Variants in COX7B2 observed in about 807,000 individuals in gnomAD.
COX7B2 encodes the protein cytochrome c oxidase subunit 7B2, mitochondrial.
For synonymous variants in COX7B2, 37 were observed against 32.1 expected, an observed-to-expected ratio of 1.15 and a Z score of -0.51; for missense variants, 109 against 95.9, an observed-to-expected ratio of 1.14 and a Z score of -0.57.
chr4:46,888,083 C>T (rs556521379), intron 1 of COX7B2, among the ~76,000 whole-genome samples: 17 of 152,314 alleles, frequency 1.1e-4, no homozygotes, highest in South Asian at 2.1e-4. Context: ...CACAACTTCA[C>T]TGATAAGCAA....
intron 2 of COX7B2, among the ~76,000 whole-genome samples, chr4:46,771,321 G>A (rs923164371): frequency 6.6e-6 from 1 of 152,126 alleles, no homozygotes; most frequent in Non-Finnish European, 1.5e-5. Flanking sequence ...AATATTTGTT[G>A]GTGAGAGTGT....
At chr4:46,825,111 A>C (rs1488796039) in intron 2 of COX7B2, among the ~76,000 whole-genome samples, 2 of 152,094 alleles carry the variant, frequency 1.3e-5, no homozygotes, top group Non-Finnish European at 2.9e-5. Context: ...TGCAGATGAC[A>C]TGATTCTAGA....
At chr4:46,744,563 C>T (rs946474408) in intron 2 of COX7B2, among the ~76,000 whole-genome samples, 3 of 151,828 alleles carry the variant, frequency 2.0e-5, no homozygotes, top group Non-Finnish European at 2.9e-5. Context: ...CATGATTCTA[C>T]GTGGCCATTA....
At chr4:46,875,590 G>A (rs1276515572) in intron 1 of COX7B2, among the ~76,000 whole-genome samples, 3 of 151,858 alleles carry the variant, frequency 2.0e-5, no homozygotes, top group Non-Finnish European at 4.4e-5. Flanking sequence ...TCATACCGTG[G>A]TTCTAGTGAT....
chr4:46,830,086 G>A (rs1054245281), intron 2 of COX7B2, among the ~76,000 whole-genome samples: 2 of 152,130 alleles, frequency 1.3e-5, no homozygotes, highest in Admixed American at 1.3e-4. Context: ...AGCACTTTGG[G>A]AGGCCAAGGC....
chr4:46,818,960 A>G (rs1348223848), intron 2 of COX7B2, among the ~76,000 whole-genome samples: 1 of 152,258 alleles, frequency 6.6e-6, no homozygotes. Flanking sequence ...ATTACAGTGT[A>G]TCAGGTGCTT....
chr4:46,880,625 G>A (rs993459331), intron 1 of COX7B2, among the ~76,000 whole-genome samples: 1 of 151,362 alleles, frequency 6.6e-6, no homozygotes. Flanking sequence ...TTTAAGTGGG[G>A]TCAGTGGTAA....
intron 2 of COX7B2, among the ~76,000 whole-genome samples, chr4:46,743,243 C>T (rs1714818373): frequency 1.3e-5 from 2 of 152,142 alleles, no homozygotes; most frequent in South Asian, 4.1e-4. Context: ...ATGTACAGTT[C>T]ACCAGCTAAG....
At chr4:46,738,702 G>A (rs79411748) in intron 2 of COX7B2, among the ~76,000 whole-genome samples, 3 of 151,936 alleles carry the variant, frequency 2.0e-5, no homozygotes, top group South Asian at 2.1e-4. Flanking sequence ...CCATATGAAA[G>A]CATAAAAAAG....
chr4:46,876,229 A>C (rs1019338030), intron 1 of COX7B2, among the ~76,000 whole-genome samples: 2 of 152,184 alleles, frequency 1.3e-5, no homozygotes, highest in African/African-American at 4.8e-5. Context: ...CCTAAGAGAC[A>C]TGCATGGGGC....
chr4:46,888,406 T>C (rs533844365), intron 1 of COX7B2, among the ~76,000 whole-genome samples: 2 of 152,270 alleles, frequency 1.3e-5, no homozygotes, highest in African/African-American at 4.8e-5. Flanking sequence ...ACAATTTAAG[T>C]AACGGTGCTG....
intron 2 of COX7B2, among the ~76,000 whole-genome samples, chr4:46,818,331 C>T (rs1423665668): frequency 6.6e-6 from 1 of 152,046 alleles, no homozygotes; most frequent in Non-Finnish European, 1.5e-5. Context: ...AATACATGAA[C>T]ATAGAAAACA....
chr4:46,735,175 G>A lies in COX7B2; in HGVS notation c.18C>T (p.Ala6=). The A allele has an allele frequency of 6.2e-7, 1 of 1,612,998 alleles. No individual in the cohort carries two copies. The change falls in exon 3 of 3, where the codon GCC becomes GCT. Residue 6 remains alanine, a synonymous_variant. Transcript: ENST00000355591. ...TCTTGAGACTGCTTAGTGCATTTCT[G>A]GCCAAGGGAAACATCATGAAGGATT... MMFPL[A]RNALSSLKIQ...
In COX7B2 at chr4:46,741,573, A is replaced by C. The variant is rs138163731; in HGVS notation, c.-49-6332T>G. 3.1e-3 allele frequency among the ~76,000 whole-genome samples: 477 copies of C among 152,210 alleles called. 4 individuals are homozygous for C. Among genetic ancestry groups the C allele is most frequent in the African/African-American group, 0.011 (452 of 41,546 alleles). On this transcript the variant is annotated intron_variant, in intron 2 of 2. Transcript: ENST00000355591. ...AATAGAGAAGGCAACTTAAAATCTA[A>C]GAAAATAAATTATCCTGGTCCCTAC...
chr4:46,865,754 G>A (rs139810471), intron 1 of COX7B2, among the ~76,000 whole-genome samples: 2 of 152,218 alleles, frequency 1.3e-5, no homozygotes, highest in African/African-American at 4.8e-5. Context: ...AAAAAGTATA[G>A]CATCAAGGAA....
intron 1 of COX7B2, among the ~76,000 whole-genome samples, chr4:46,873,248 A>G (rs1171319590): frequency 1.3e-5 from 2 of 152,104 alleles, no homozygotes; most frequent in African/African-American, 2.4e-5. Flanking sequence ...GTTGGTTCCA[A>G]GTCTTTGCTA....
intron 2 of COX7B2, among the ~76,000 whole-genome samples, chr4:46,773,205 C>T (rs949946855): frequency 4.6e-5 from 7 of 152,102 alleles, no homozygotes; most frequent in African/African-American, 7.2e-5. Context: ...ACTGTGTCCC[C>T]ACCTAAATCT....
rs141665105 is a variant in COX7B2 at position 46,767,002 on chromosome 4, T to G, written c.-49-31761A>C. Among the ~76,000 whole-genome samples, 33 of 152,166 alleles carry G rather than the reference T, an allele frequency of 2.2e-4. No homozygotes were observed. In the East Asian group the frequency reaches 6.2e-3, roughly 29 times the overall value. On this transcript the variant is annotated intron_variant, in intron 2 of 2. Transcript: ENST00000355591. Reference sequence around the variant, plus strand: ...AAAATTAACAAAATGACAACAAATGTCCTTACCCATTAATAACTGCTTTAA... The same window carrying G: ...AAAATTAACAAAATGACAACAAATGGCCTTACCCATTAATAACTGCTTTAA...
At chr4:46,821,420 T>C (rs1020497466) in intron 2 of COX7B2, among the ~76,000 whole-genome samples, 2 of 152,214 alleles carry the variant, frequency 1.3e-5, no homozygotes, top group Non-Finnish European at 2.9e-5. Context: ...CAATCTATGC[T>C]TGAACTGACA....
Sources: gnomAD v4.1 joint callset for allele counts (sites outside exome capture counted in the v4.1 genomes callset) on GRCh38, gnomAD v4.1.1 for gene constraint, MANE v1.5 for transcripts, NCBI Gene and HGNC (gene_info 2026-07-23, HGNC 2026-07-21) for gene names.